TASOR2: variants seen among roughly 807,000 people sequenced by gnomAD.
TASOR2 encodes the protein transcription activation suppressor family member 2.
In TASOR2, 84 loss-of-function variants were observed where a neutral mutation model predicts 199.5. The observed-to-expected ratio is 0.42, with a 90% CI of 0.35 to 0.50. The LOEUF is 0.50. TASOR2 is among the 20% of genes least tolerant of loss of function. The pLI is 0.02. For missense variants in TASOR2, 2,796 were observed against 2,835.9 expected (o/e 0.99, Z 0.32); for synonymous variants, 1,103 against 1,046.6 (o/e 1.05, Z -1.04).
chr10:5,728,846 G>A (rs899769522), intron 10 of TASOR2, among the ~76,000 whole-genome samples: 3 of 152,062 alleles, frequency 2.0e-5, no homozygotes, highest in Non-Finnish European at 4.4e-5. Context: ...GAAACTCAGA[G>A]TTGAACTTGT....
chr10:5,756,536 CATT>C, intron 15 of TASOR2, 74 bp from the exon 17 acceptor site: 3 of 1,478,144 alleles, frequency 2.0e-6, no homozygotes, highest in Non-Finnish European at 9.1e-7. Flanking sequence ...TACTGCTTTT[CATT>C]ATTTTAATAA....
At position 5,698,142 on chromosome 10, in the gene TASOR2, G is replaced by T. The variant is rs1324283098; in HGVS notation, c.-288+12967G>T. 1.3e-5 allele frequency among the ~76,000 whole-genome samples: 2 copies of T among 152,282 alleles called. No homozygotes were observed. Among genetic ancestry groups the T allele is most frequent in the East Asian group, 3.9e-4 (2 of 5,184 alleles). ...TCCTTGACTTTGTGTTTGGCTATGT[G>T]ACTTGCTAAGGTAAAAGTGATAACA... On this transcript the variant is annotated intron_variant, in intron 1 of 20. Coordinates refer to ENST00000328090, the Ensembl canonical transcript of TASOR2. The surrounding 1 kb of genome is among the most constrained non-coding windows in gnomAD (Gnocchi z 4.4).
intron 10 of TASOR2, among the ~76,000 whole-genome samples, chr10:5,727,883 A>G (rs1834259001): frequency 6.6e-6 from 1 of 152,140 alleles, no homozygotes. Context: ...GTGCCTAGCA[A>G]TGCCAGGCAC....
chr10:5,714,123 T>C lies in TASOR2; in HGVS notation c.-192+1205T>C, dbSNP rs1336276536. On this transcript the variant is annotated intron_variant, in intron 2 of 20. Coordinates refer to ENST00000328090, the Ensembl canonical transcript of TASOR2. ...CTTCAAAGACTGAAGCAAAGTAATC[T>C]TTTGTTTAAAGGCAAAATTGGTATG... 8.1e-7 allele frequency: 1 copy of C among 1,229,442 alleles called. No individual in the cohort carries two copies. Among genetic ancestry groups the C allele is most frequent in the South Asian group, 4.1e-5 (1 of 24,264 alleles). The allele number at this position is 1,229,442 out of a possible 1,614,324, so 76.2% of individuals were successfully genotyped here.
intron 15 of TASOR2, among the ~76,000 whole-genome samples, chr10:5,755,737 T>C (rs1415224103): frequency 6.6e-6 from 1 of 152,006 alleles, no homozygotes; most frequent in Non-Finnish European, 1.5e-5. Flanking sequence ...GGAATCCTAG[T>C]ACTTTGGGAG....
In TASOR2 at chr10:5,699,424, A is replaced by G. The variant is rs958480963; in HGVS notation, c.-287-13399A>G. The G allele has an allele frequency of 6.6e-6, 1 of 152,196 alleles. No homozygotes were observed. Among genetic ancestry groups the G allele is most frequent in the Non-Finnish European group, 1.5e-5 (1 of 68,012 alleles). 9.4% of individuals were successfully genotyped at this position (152,196 alleles called of 1,614,324 possible). On this transcript the variant is annotated intron_variant, in intron 1 of 20. Transcript: ENST00000328090. The surrounding 1 kb of genome is among the most constrained non-coding windows in gnomAD (Gnocchi z 4.1). ...GTGAAGGTTGCACAATTCTGTGGAT[A>G]TACTAAGCACAATTCTGTGGATATA...
chr10:5,720,920 A>G lies in TASOR2; in HGVS notation c.96A>G (p.Leu32=). 1 of 1,613,704 alleles carries G rather than the reference A, an allele frequency of 6.2e-7. No homozygotes were observed. The highest frequency in any genetic ancestry group is 8.5e-7 in the Non-Finnish European group (1 of 1,179,874). Residue 32 remains leucine, a synonymous_variant, in exon 6 of 21, where the codon CTA becomes CTG. Transcript: ENST00000328090. This position sits in a 1 kb window ranked among gnomAD's most constrained non-coding sequence, Gnocchi z 5.3. The stretch of plus-strand genomic sequence containing the variant: ...AATTAATTGTTCAAGACCGTATGCT[A>G]TGTGATATAGCTCTTTGGTCCACTT...
chr10:5,761,632 A>C, intron 19 of TASOR2, 161 bp downstream of exon 20: 1 of 626,504 alleles, frequency 1.6e-6, no homozygotes, highest in Non-Finnish European at 2.8e-6. Context: ...CCTTATATAA[A>C]ATGTAGTATT....
chr10:5,697,889 T>A (rs1372298112), intron 1 of TASOR2, among the ~76,000 whole-genome samples: 2 of 152,212 alleles, frequency 1.3e-5, no homozygotes, highest in Non-Finnish European at 2.9e-5. Context: ...TGTTTTATGT[T>A]GGTTTTTTGT....
At position 5,706,240 on chromosome 10, in the gene TASOR2, C is replaced by T. The variant is rs1457355896; in HGVS notation, c.-287-6583C>T. Among the ~76,000 whole-genome samples, 5 of 152,270 alleles carry T rather than the reference C, an allele frequency of 3.3e-5. No homozygotes were observed. The South Asian group carries it at 8.3e-4, about 25-fold the overall frequency. ...TATCATTACCACCTTGTCTTGACTA[C>T]TTTAGCTTTGTAGTAATTCTCAAAA... On this transcript the variant is annotated intron_variant, in intron 1 of 20. Coordinates refer to ENST00000328090, the Ensembl canonical transcript of TASOR2. The surrounding 1 kb of genome is among the most constrained non-coding windows in gnomAD (Gnocchi z 4.8).
chr10:5,717,320 C>A (rs575360298), intron 2 of TASOR2, among the ~76,000 whole-genome samples: 2 of 152,238 alleles, frequency 1.3e-5, no homozygotes, highest in South Asian at 4.2e-4. Flanking sequence ...TTCATGAGCA[C>A]CCTGTGGTCT....
In TASOR2 at chr10:5,730,716, G is replaced by C. The variant is rs1834696758; in HGVS notation, c.717G>C (p.Leu239=). The C allele has an allele frequency of 1.2e-6, 2 of 1,614,166 alleles. No homozygotes were observed. The highest frequency in any genetic ancestry group is 1.7e-6 in the Non-Finnish European group (2 of 1,180,016). ...AAGACCCTACATTCTTGGGGAAACT[G>C]CCCAGTGGTTTTGACTTGATTCCTC... Residue 239 remains leucine, a synonymous_variant, in exon 11 of 21, where the codon CTG becomes CTC. Coordinates refer to ENST00000328090, the Ensembl canonical transcript of TASOR2. This position sits in a 1 kb window ranked among gnomAD's most constrained non-coding sequence, Gnocchi z 4.1.
intron 12 of TASOR2, 61 bp from the exon 14 acceptor site, chr10:5,739,557 G>A: frequency 6.9e-7 from 1 of 1,457,886 alleles, no homozygotes; most frequent in Non-Finnish European, 9.3e-7. Context: ...ATAGTAATAT[G>A]GCAGAGAGTT....
chr10:5,721,675 T>C (rs886437824), intron 6 of TASOR2, among the ~76,000 whole-genome samples: 4 of 152,190 alleles, frequency 2.6e-5, no homozygotes, highest in Non-Finnish European at 4.4e-5. Flanking sequence ...GTGGAAAGAT[T>C]GATAAATTAG....
rs879488479 is a variant in TASOR2 at position 5,756,757 on chromosome 10, A to C, written c.6732+19A>C. The C allele has an allele frequency of 7.5e-6, 12 of 1,608,760 alleles. No individual in the cohort carries two copies. Among genetic ancestry groups the C allele is most frequent in the Non-Finnish European group, 1.0e-5 (12 of 1,177,968 alleles). The stretch of plus-strand genomic sequence containing the variant: ...GCATCAGGTCGGTTGGAAATACCTT[A>C]CAAAGAAACGTATTCCAGGCACATA... On this transcript the variant is annotated intron_variant, in intron 16 of 20. Transcript: ENST00000328090.
chr10:5,712,390 A>G (rs982771221), intron 1 of TASOR2: 2 of 1,231,308 alleles, frequency 1.6e-6, no homozygotes, highest in African/African-American at 1.6e-5. Context: ...TTTGTGTTTT[A>G]CAGTTTTTGA....
intron 3 of TASOR2, among the ~76,000 whole-genome samples, chr10:5,718,322 G>GTT (rs557861716): frequency 2.7e-5 from 3 of 113,140 alleles, no homozygotes; most frequent in Non-Finnish European, 5.6e-5. Flanking sequence ...TCGTTTTATT[G>GTT]TTTTTTTTTT....
At chr10:5,755,217 A>T (rs1472580362) in intron 15 of TASOR2, among the ~76,000 whole-genome samples, 1 of 152,132 alleles carries the variant, frequency 6.6e-6, no homozygotes, top group East Asian at 1.9e-4. Context: ...TCTCATAAGA[A>T]TTTTTTTGAA....
exon 15 of TASOR2, chr10:5,749,862 G>T (rs575974081): frequency 6.2e-7 from 1 of 1,614,076 alleles, no homozygotes; most frequent in African/African-American, 1.3e-5. Context: ...CTCAAGAGAT[G>T]TATCTGCCTT....
Sources: gnomAD v4.1 joint callset for allele counts (sites outside exome capture counted in the v4.1 genomes callset) on GRCh38, gnomAD v4.1.1 for gene constraint, Gnocchi (gnomAD v3.1) non-coding constraint, MANE v1.5 for transcripts, NCBI Gene and HGNC (gene_info 2026-07-23, HGNC 2026-07-21) for gene names.